The following MSR1 variants were observed in gnomAD, a reference collection of about 807,000 sequenced individuals.
MSR1 encodes macrophage scavenger receptor types I and II.
Under a neutral mutation model 47.2 loss-of-function variants are expected in MSR1, and 53 were observed. The ratio of observed to expected loss-of-function variants is 1.12; its 90% CI spans 0.90 to 1.41. The LOEUF (loss-of-function observed/expected upper bound fraction) is 1.41, where lower values mean the gene tolerates loss of function less well. MSR1 is among the 40% of genes most tolerant of loss of function. The pLI, the probability that MSR1 is intolerant of heterozygous loss-of-function variation, is 0.00. For synonymous variants in MSR1, 239 were observed against 185.6 expected, an observed-to-expected ratio of 1.29 and a Z score of -2.34; for missense variants, 786 against 546.9, an observed-to-expected ratio of 1.44 and a Z score of -4.36.
intron 4 of MSR1, among the ~76,000 whole-genome samples, chr8:16,164,989 G>C (rs1257361657): frequency 6.6e-6 from 1 of 151,992 alleles, no homozygotes; most frequent in Non-Finnish European, 1.5e-5. Context: ...GATATTTTCA[G>C]TAATTTAGTG....
At chr8:16,183,626 AT>A (rs1563171808) in intron 1 of MSR1, among the ~76,000 whole-genome samples, 1 of 141,694 alleles carries the variant, frequency 7.1e-6, no homozygotes, top group East Asian at 2.0e-4. Context: ...TATAATATAT[AT>A]AATATATAAT....
chr8:16,116,919 C>T (rs1799887918), intron 9 of MSR1, among the ~76,000 whole-genome samples: 1 of 151,914 alleles, frequency 6.6e-6, no homozygotes, highest in African/African-American at 2.4e-5. Context: ...TGTATGTTGC[C>T]AGCACTTACT....
chr8:16,129,618 T>A lies in MSR1; in HGVS notation c.1034-9012A>T, dbSNP rs61596645. On this transcript the variant is annotated intron_variant, in intron 8 of 9. Transcript: ENST00000262101. ...TAAAAAACAGCTGAGTGTGGTGACC[T>A]GTGCCTGTAGTTCCAGCTACCTGGG... Among the ~76,000 whole-genome samples, 1,405 of 152,166 alleles carry A rather than the reference T, an allele frequency of 9.2e-3. 74 individuals carry two copies. The highest frequency in any genetic ancestry group is 0.079 in the Admixed American group (1,211 of 15,274).
At chr8:16,167,180 G>A (rs1046189498) in intron 4 of MSR1, among the ~76,000 whole-genome samples, 2 of 152,032 alleles carry the variant, frequency 1.3e-5, no homozygotes, top group African/African-American at 2.4e-5. Flanking sequence ...CTTCAAACAG[G>A]TTCAAAATTT....
chr8:16,191,551 T>C (rs1585206943), intron 1 of MSR1, among the ~76,000 whole-genome samples: 3 of 151,262 alleles, frequency 2.0e-5, no homozygotes, highest in East Asian at 3.9e-4. Context: ...TTTCTTATTT[T>C]GTTCTCACGG....
chr8:16,157,998 G>A (rs141941161), intron 5 of MSR1, among the ~76,000 whole-genome samples: 8 of 151,888 alleles, frequency 5.3e-5, no homozygotes, highest in African/African-American at 1.4e-4. Context: ...CCTTTTGTTC[G>A]TAGTTTCCAT....
At chr8:16,150,140 G>GTGTATATATATATA (rs1402495981) in intron 7 of MSR1, 91 bp downstream of exon 7, 171 of 178,308 alleles carry the variant, frequency 9.6e-4, no homozygotes, top group African/African-American at 5.0e-3. Context: ...GTGTGTGTGT[G>GTGTATATATATATA]TATATATATA....
intron 8 of MSR1, chr8:16,141,049 A>G (rs1800544062): frequency 1.2e-6 from 2 of 1,612,996 alleles, no homozygotes; most frequent in Admixed American, 3.3e-5. Context: ...ACTGGTCCTG[A>G]CACATATATA....
intron 5 of MSR1, among the ~76,000 whole-genome samples, chr8:16,156,427 C>T (rs1801009580): frequency 6.6e-6 from 1 of 151,812 alleles, no homozygotes; most frequent in Admixed American, 6.6e-5. Flanking sequence ...ATTTTGACAT[C>T]CTTGACTCTA....
At chr8:16,145,788 T>C (rs765152741) in intron 7 of MSR1, among the ~76,000 whole-genome samples, 4 of 152,076 alleles carry the variant, frequency 2.6e-5, no homozygotes, top group Admixed American at 6.6e-5. Context: ...TGAAAATCTT[T>C]TCTCACACTT....
At chr8:16,150,972 G>T (rs972854048) in intron 6 of MSR1, among the ~76,000 whole-genome samples, 8 of 151,240 alleles carry the variant, frequency 5.3e-5, no homozygotes, top group Admixed American at 1.3e-4. Flanking sequence ...ACTGAAAATG[G>T]CTATTTTTTT....
At chr8:16,156,263 A>G (rs1172131019) in intron 5 of MSR1, among the ~76,000 whole-genome samples, 2 of 152,016 alleles carry the variant, frequency 1.3e-5, no homozygotes, top group Non-Finnish European at 2.9e-5. Context: ...CAAGGAAAAC[A>G]AATATATACA....
At chr8:16,182,711 C>G (rs1801870295) in intron 1 of MSR1, among the ~76,000 whole-genome samples, 1 of 152,192 alleles carries the variant, frequency 6.6e-6, no homozygotes, top group African/African-American at 2.4e-5. Flanking sequence ...TCTTCAGAAA[C>G]AATAACAGGC....
chr8:16,192,463 A>ACTATAAATCATTCG lies in MSR1; in HGVS notation c.-5+134_-5+135insCGAATGATTTATAG, dbSNP rs1341492644. 1.4e-4 allele frequency: 17 copies of ACTATAAATCATTCG among 121,666 alleles called. No homozygotes were observed. The East Asian group carries it at 2.2e-3, about 16-fold the overall frequency. The allele number at this position is 121,666 out of a possible 1,614,324, so 7.5% of individuals were successfully genotyped here. On this transcript the variant is annotated intron_variant, in intron 1 of 9. Coordinates refer to ENST00000262101, the MANE Select transcript of MSR1 (RefSeq NM_138715.3). ...TTATTGCTGATACAATAAAGCATTC[A>ACTATAAATCATTCG]TCTCATCATACACACACAGACACAC...
chr8:16,124,383 C>T (rs951963078), intron 8 of MSR1, among the ~76,000 whole-genome samples: 6 of 152,218 alleles, frequency 3.9e-5, no homozygotes, highest in Admixed American at 1.3e-4. Flanking sequence ...ACATAGTAGA[C>T]GAGAATGATA....
chr8:16,176,431 C>T (rs1801648934), intron 2 of MSR1, among the ~76,000 whole-genome samples: 1 of 150,424 alleles, frequency 6.6e-6, no homozygotes, highest in Non-Finnish European at 1.5e-5. Context: ...TGCTTGAGCC[C>T]AAGAGGTTGA....
rs753738338 is a variant in MSR1, at chr8:16,110,210, G to A, written c.1231C>T (p.Pro411Ser). 10 of 1,613,266 alleles carry A rather than the reference G, an allele frequency of 6.2e-6. No individual in the cohort carries two copies. Among genetic ancestry groups the A allele is most frequent in the Admixed American group, 1.7e-5 (1 of 59,976 alleles). The change falls in exon 10 of 10, where the codon CCA becomes TCA. Residue 411 changes from proline (P) to serine (S), a missense_variant. Transcript: ENST00000262101. ...CAAAACACTTCATTCAGCCATATTG[G>A]ACCAGTACCTGCAATAATGAGGTAT... is the stretch of plus-strand genomic sequence containing the variant. ...KAAHFGQGTGPIWLNEVFCFG... is the reference protein window; with the variant it reads ...KAAHFGQGTGSIWLNEVFCFG...
rs55913131 is a variant in MSR1, at chr8:16,150,140, G to GTATATATA, written c.979+83_979+90dup. 1.6e-3 allele frequency: 279 copies of GTATATATA among 178,288 alleles called. 2 individuals are homozygous for GTATATATA. The highest frequency in any genetic ancestry group is 6.1e-3 in the African/African-American group (197 of 32,380). The allele number at this position is 178,288 out of a possible 1,614,324, so 11.0% of individuals were successfully genotyped here. ...TATGTGTGTGTGTATGTGTGTGTGT[G>GTATATATA]TATATATATATATATATATATATAT... is the stretch of plus-strand genomic sequence containing the variant. On this transcript the variant is annotated intron_variant, in intron 7 of 9. Transcript: ENST00000262101.
chr8:16,181,648 AG>A (rs1434680476), intron 1 of MSR1, among the ~76,000 whole-genome samples: 1 of 151,426 alleles, frequency 6.6e-6, no homozygotes, highest in Non-Finnish European at 1.5e-5. Context: ...AGGGCCTGTC[AG>A]GGGGTGGGAG....
Sources: gnomAD v4.1 joint callset for allele counts (sites outside exome capture counted in the v4.1 genomes callset) on GRCh38, gnomAD v4.1.1 for gene constraint, MANE v1.5 for transcripts, NCBI Gene and HGNC (gene_info 2026-07-23, HGNC 2026-07-21) for gene names.